The following NUDCD3 variants were observed in gnomAD, a reference collection of about 807,000 sequenced individuals.
NUDCD3 encodes NudC domain containing 3, also known as nudC domain-containing protein 3.
NUDCD3 carries 13 observed loss-of-function variants against 39.7 expected under a neutral mutation model. The ratio of observed to expected loss-of-function variants is 0.33; its 90% CI spans 0.21 to 0.52. The LOEUF (loss-of-function observed/expected upper bound fraction) is 0.52. Ranked by LOEUF, NUDCD3 falls within the 20% of genes least tolerant of loss-of-function variation. NUDCD3 has a pLI of 0.96. For synonymous variants in NUDCD3, 175 were observed against 172.4 expected, an observed-to-expected ratio of 1.02 and a Z score of -0.12; for missense variants, 453 against 458.1, an observed-to-expected ratio of 0.99 and a Z score of 0.10.
At chr7:44,456,058 A>C (rs1378956553) in intron 2 of NUDCD3, among the ~76,000 whole-genome samples, 39 of 116,638 alleles carry the variant, frequency 3.3e-4, no homozygotes, top group African/African-American at 9.2e-4. Flanking sequence ...AAACAAAAAA[A>C]CAAACAACAA....
intron 2 of NUDCD3, among the ~76,000 whole-genome samples, chr7:44,481,058 G>A (rs945435038): frequency 6.7e-6 from 1 of 148,510 alleles, no homozygotes; most frequent in Non-Finnish European, 1.5e-5. Context: ...ATAATACAGT[G>A]TAACAACTAT....
At chr7:44,396,362 A>T (rs1739997711) in intron 4 of NUDCD3, among the ~76,000 whole-genome samples, 2 of 152,186 alleles carry the variant, frequency 1.3e-5, no homozygotes, top group South Asian at 4.1e-4. Flanking sequence ...CAAAATTTTA[A>T]TTATTTATTT....
chr7:44,447,895 T>C (rs1254800526), intron 2 of NUDCD3, among the ~76,000 whole-genome samples: 1 of 152,158 alleles, frequency 6.6e-6, no homozygotes, highest in Non-Finnish European at 1.5e-5. Flanking sequence ...GCACACAGAA[T>C]TGACCACACC....
intron 2 of NUDCD3, among the ~76,000 whole-genome samples, chr7:44,484,163 CA>C (rs113978468): frequency 4.6e-5 from 7 of 152,028 alleles, no homozygotes; most frequent in Admixed American, 2.6e-4. Context: ...GTGAATTTTC[CA>C]AAAAAACAAA....
Position 44,490,611 on chromosome 7 carries a change from G to C in NUDCD3, c.-11C>G, listed in dbSNP as rs960119827. On this transcript the variant is annotated 5_prime_UTR_variant, in exon 1 of 6. Coordinates refer to ENST00000355451, the MANE Select transcript of NUDCD3 (RefSeq NM_015332.4). ...CGCCCCTGTCTCCATGTCGCCTCCC[G>C]CCCTAGGTACGCTTCACACACACAG... The C allele has an allele frequency of 6.3e-7, 1 of 1,596,100 alleles. No individual in the cohort carries two copies. Among genetic ancestry groups the C allele is most frequent in the African/African-American group, 1.3e-5 (1 of 74,322 alleles).
intron 2 of NUDCD3, among the ~76,000 whole-genome samples, chr7:44,439,579 A>G (rs1799536729): frequency 6.6e-6 from 1 of 151,856 alleles, no homozygotes; most frequent in South Asian, 2.1e-4. Context: ...GTAGTGCCAA[A>G]AAGTAAGGAA....
chr7:44,482,136 T>C (rs1319758730), intron 2 of NUDCD3, among the ~76,000 whole-genome samples: 2 of 152,182 alleles, frequency 1.3e-5, no homozygotes, highest in African/African-American at 4.8e-5. Flanking sequence ...GAAAGACTAC[T>C]AGTAAGGAGG....
intron 3 of NUDCD3, among the ~76,000 whole-genome samples, chr7:44,421,735 CCCCA>C: frequency 6.6e-6 from 1 of 152,262 alleles, no homozygotes; most frequent in Admixed American, 6.5e-5. Flanking sequence ...GACTTTAACA[CCCCA>C]CTGTCAATAT....
At chr7:44,404,342 C>G in intron 4 of NUDCD3, 98 bp downstream of exon 4, 2 of 1,259,236 alleles carry the variant, frequency 1.6e-6, no homozygotes, top group Non-Finnish European at 2.3e-6. Flanking sequence ...AATTAACAAC[C>G]TCACTGCTTA....
chr7:44,458,936 C>CTGTGTGTGTGTGTGTGTGTG (rs55947411), intron 2 of NUDCD3, among the ~76,000 whole-genome samples: 28 of 116,146 alleles, frequency 2.4e-4, no homozygotes, highest in East Asian at 2.9e-4. Flanking sequence ...ACGGGGAGTG[C>CTGTGTGTGTGTGTGTGTGTG]TGTGTGTGTG....
intron 5 of NUDCD3, among the ~76,000 whole-genome samples, chr7:44,386,941 T>A (rs947170680): frequency 6.6e-6 from 1 of 152,108 alleles, no homozygotes; most frequent in African/African-American, 2.4e-5. Context: ...CCACCATGAG[T>A]ACACTGAGGG....
chr7:44,426,795 CA>C (rs777817601), intron 3 of NUDCD3, among the ~76,000 whole-genome samples: 713 of 54,784 alleles, frequency 0.013, 1 homozygote, highest in Non-Finnish European at 0.014. Context: ...GACTCCGTCT[CA>C]AAAAAAAAAA....
chr7:44,467,052 T>TCAC lies in NUDCD3; in HGVS notation c.509+17913_509+17915dup, dbSNP rs565821338. 1.4e-3 allele frequency among the ~76,000 whole-genome samples: 207 copies of TCAC among 152,242 alleles called. 1 individual carries two copies. The highest frequency in any genetic ancestry group is 4.9e-3 in the African/African-American group (202 of 41,540). ...CACTGACTGGTTTCTTTCCCCACAT[T>TCAC]CACCCTCACCAGCCCCCCGTGGTGA... On this transcript the variant is annotated intron_variant, in intron 2 of 5. Transcript: ENST00000355451.
At chr7:44,455,688 A>G (rs1248342530) in intron 2 of NUDCD3, among the ~76,000 whole-genome samples, 1 of 152,234 alleles carries the variant, frequency 6.6e-6, no homozygotes, top group Admixed American at 6.5e-5. Flanking sequence ...GTAAGAGCAC[A>G]TAAGAGCATG....
At position 44,481,163 on chromosome 7, in the gene NUDCD3, T is replaced by C. The variant is rs866835334; in HGVS notation, c.509+3805A>G. On this transcript the variant is annotated intron_variant, in intron 2 of 5. Coordinates refer to ENST00000355451, the MANE Select transcript of NUDCD3 (RefSeq NM_015332.4). ...GTGCATAGGTTATACACAAATATTA[T>C]ACTGTTTTATATAAGAGACCTAGAC... is the stretch of plus-strand genomic sequence containing the variant. The C allele has an allele frequency of 3.3e-5, 5 of 152,124 alleles. No homozygotes were observed. The South Asian group carries it at 1.0e-3, about 32-fold the overall frequency. The allele number at this position is 152,124 out of a possible 1,614,324, so 9.4% of individuals were successfully genotyped here.
At chr7:44,388,867 A>G (rs576677031) in intron 5 of NUDCD3, among the ~76,000 whole-genome samples, 21 of 152,352 alleles carry the variant, frequency 1.4e-4, no homozygotes, top group African/African-American at 5.0e-4. Context: ...CCCCATGGCA[A>G]GTCTACAGCA....
At chr7:44,463,089 C>T (rs1354715378) in intron 2 of NUDCD3, among the ~76,000 whole-genome samples, 2 of 152,034 alleles carry the variant, frequency 1.3e-5, no homozygotes, top group Admixed American at 6.5e-5. Flanking sequence ...TGACACTAAG[C>T]GAAGGCTACA....
At chr7:44,386,227 C>A in intron 5 of NUDCD3, 106 bp from the exon 6 acceptor site, 2 of 1,251,262 alleles carry the variant, frequency 1.6e-6, no homozygotes, top group Non-Finnish European at 2.3e-6. Flanking sequence ...TTCCTCAGGG[C>A]TCAGGCACTT....
chr7:44,408,749 T>C (rs1241008809), intron 3 of NUDCD3, among the ~76,000 whole-genome samples: 7 of 152,210 alleles, frequency 4.6e-5, no homozygotes, highest in Admixed American at 3.9e-4. Context: ...CAGTGAGCTC[T>C]GTGATATTTT....
Sources: gnomAD v4.1 joint callset for allele counts (sites outside exome capture counted in the v4.1 genomes callset) on GRCh38, gnomAD v4.1.1 for gene constraint, MANE v1.5 for transcripts, NCBI Gene and HGNC (gene_info 2026-07-23, HGNC 2026-07-21) for gene names.